Variants in BCR observed in about 807,000 individuals in gnomAD.
BCR encodes BCR activator of RhoGEF and GTPase.
A neutral mutation model predicts 138.6 loss-of-function variants in BCR; 58 were observed. The ratio of observed to expected loss-of-function variants is 0.42; its 90% CI spans 0.34 to 0.52. The LOEUF is 0.52. Ranked by LOEUF, BCR falls within the 20% of genes least tolerant of loss-of-function variation. The pLI, the probability that BCR is intolerant of heterozygous loss-of-function variation, is 0.06. For synonymous variants in BCR, 786 were observed against 730.1 expected (o/e 1.08, Z -1.23); for missense variants, 1,599 against 1,727.2 (o/e 0.93, Z 1.32).
At chr22:23,299,649 C>G (rs1396250492) in intron 16 of BCR, among the ~76,000 whole-genome samples, 1 of 150,482 alleles carries the variant, frequency 6.6e-6, no homozygotes, top group African/African-American at 2.5e-5. Context: ...AAACATACAT[C>G]TGTATCTGTA....
At chr22:23,297,028 GGTT>G (rs111942865) in intron 16 of BCR, among the ~76,000 whole-genome samples, 16 of 152,032 alleles carry the variant, frequency 1.1e-4, no homozygotes, top group South Asian at 6.2e-4. Context: ...TGCTTGCTTT[GGTT>G]GTTGTTGTTG....
intron 1 of BCR, among the ~76,000 whole-genome samples, chr22:23,209,702 C>G (rs1037076909): frequency 2.6e-5 from 4 of 152,120 alleles, no homozygotes; most frequent in African/African-American, 9.7e-5. Flanking sequence ...CGCCACCACA[C>G]CTGGCTAATT....
chr22:23,275,477 G>T (rs2073565579), intron 8 of BCR, among the ~76,000 whole-genome samples: 1 of 152,218 alleles, frequency 6.6e-6, no homozygotes, highest in African/African-American at 2.4e-5. Flanking sequence ...TGAGCGCATT[G>T]AAGGCGGAAG....
chr22:23,245,681 G>A (rs564400364), intron 1 of BCR, among the ~76,000 whole-genome samples: 1 of 152,182 alleles, frequency 6.6e-6, no homozygotes, highest in African/African-American at 2.4e-5. Context: ...CTCACTGCAT[G>A]TGGGTGGCCT....
At chr22:23,265,581 C>G (rs1389428536) in intron 4 of BCR, among the ~76,000 whole-genome samples, 1 of 152,234 alleles carries the variant, frequency 6.6e-6, no homozygotes, top group African/African-American at 2.4e-5. Flanking sequence ...GGGCTGACTT[C>G]CCTGCTCTGG....
chr22:23,294,697 C>G (rs1197197008), intron 15 of BCR, among the ~76,000 whole-genome samples: 1 of 152,226 alleles, frequency 6.6e-6, no homozygotes, highest in African/African-American at 2.4e-5. Context: ...CCGTGCCCAG[C>G]CCATAGAAAT....
At chr22:23,209,592 G>A (rs1008184508) in intron 1 of BCR, among the ~76,000 whole-genome samples, 6 of 150,936 alleles carry the variant, frequency 4.0e-5, no homozygotes, top group Non-Finnish European at 7.4e-5. Flanking sequence ...TGCCCAGGCT[G>A]GAGTGCAGTG....
At chr22:23,225,191 CTTT>C (rs34267356) in intron 1 of BCR, among the ~76,000 whole-genome samples, 1 of 142,828 alleles carries the variant, frequency 7.0e-6, no homozygotes. Context: ...GTCTGTGGTG[CTTT>C]TTTTTTTTTT....
At chr22:23,210,254 A>G (rs1385866847) in intron 1 of BCR, among the ~76,000 whole-genome samples, 5 of 151,918 alleles carry the variant, frequency 3.3e-5, no homozygotes, top group African/African-American at 1.2e-4. Flanking sequence ...CATCTCTACA[A>G]AAAAATTTGA....
intron 1 of BCR, among the ~76,000 whole-genome samples, chr22:23,253,252 T>G (rs115959526): frequency 0.012 from 1,764 of 152,292 alleles, 30 homozygotes; most frequent in African/African-American, 0.041. Context: ...CCTGGCCTTT[T>G]GGACAGCCCT....
In BCR at chr22:23,180,812, A is replaced by T. The variant is rs1175373612; in HGVS notation, c.-149A>T. On this transcript the variant is annotated 5_prime_UTR_variant, in exon 1 of 23. Transcript: ENST00000305877. ...GCCCCGCTCCGCCTCACCTGCCACC[A>T]GGGAGTGGGCGGGCATTGTTCGCCG... The T allele has an allele frequency of 1.1e-5, 3 of 272,094 alleles. No homozygotes were observed. Among genetic ancestry groups the T allele is most frequent in the Non-Finnish European group, 1.6e-5 (3 of 183,024 alleles). The allele number at this position is 272,094 out of a possible 1,614,324, so 16.9% of individuals were successfully genotyped here.
In BCR at chr22:23,273,915, C is replaced by T. The variant is rs538658635; in HGVS notation, c.2115+141C>T. ...GGATTGGTGAGATTGGCCGCACACT[C>T]AGTCCTGTGTGGAAGGTGTCTGGGT... On this transcript the variant is annotated intron_variant, in intron 8 of 22. Coordinates refer to ENST00000305877, the MANE Select transcript of BCR (RefSeq NM_004327.4). 9 of 1,236,458 alleles carry T rather than the reference C, an allele frequency of 7.3e-6. No homozygotes were observed. The Admixed American group carries it at 1.5e-4, about 20-fold the overall frequency. 76.6% of individuals were successfully genotyped at this position (1,236,458 alleles called of 1,614,324 possible).
chr22:23,263,187 G>GC, intron 4 of BCR: 1 of 873,620 alleles, frequency 1.1e-6, no homozygotes, highest in Non-Finnish European at 1.7e-6. Flanking sequence ...GGAGTCAGCC[G>GC]CCTGCCCGGC....
intron 1 of BCR, among the ~76,000 whole-genome samples, chr22:23,216,713 G>A (rs2072757379): frequency 6.6e-6 from 1 of 152,250 alleles, no homozygotes; most frequent in East Asian, 1.9e-4. Flanking sequence ...ACTGTATTCA[G>A]TTTGTGGTTT....
In BCR at chr22:23,288,131, G is replaced by A. The variant is rs372445084; in HGVS notation, c.2561G>A (p.Arg854His). ...YTFLISSDYERAEWRENIREQ... is the reference protein window; with the variant it reads ...YTFLISSDYEHAEWRENIREQ... ...TTCCTGATCTCCTCTGACTATGAGC[G>A]TGCAGAGTGGAGGGAGAACATCCGG... The change falls in exon 12 of 23, where the codon CGT becomes CAT. Residue 854 changes from arginine (R) to histidine (H), a missense_variant. By Grantham distance (29) the Arg-to-His change is conservative (BLOSUM62 0). Coordinates refer to ENST00000305877, the MANE Select transcript of BCR (RefSeq NM_004327.4). 1.9e-6 allele frequency: 3 copies of A among 1,614,070 alleles called. No individual in the cohort carries two copies. The highest frequency in any genetic ancestry group is 1.3e-5 in the African/African-American group (1 of 75,026).
At chr22:23,219,067 CAATG>C (rs1281996457) in intron 1 of BCR, among the ~76,000 whole-genome samples, 30 of 152,258 alleles carry the variant, frequency 2.0e-4, no homozygotes, top group African/African-American at 5.3e-4. Flanking sequence ...ATGGCTGTGA[CAATG>C]GATGGATGGA....
intron 1 of BCR, among the ~76,000 whole-genome samples, chr22:23,190,030 C>A (rs960231610): frequency 6.6e-6 from 1 of 152,186 alleles, no homozygotes; most frequent in African/African-American, 2.4e-5. Flanking sequence ...TGCCAAAAGT[C>A]CAAGATCAAG....
At chr22:23,288,265 A>T in intron 12 of BCR, 93 bp downstream of exon 12, 3 of 1,314,620 alleles carry the variant, frequency 2.3e-6, no homozygotes, top group Non-Finnish European at 3.3e-6. Flanking sequence ...TTTTATTTCG[A>T]GGGGTTTTAT....
At chr22:23,253,775 C>T (rs1270695513) in intron 1 of BCR, 24 bp from the exon 2 acceptor site, 2 of 1,595,708 alleles carry the variant, frequency 1.3e-6, no homozygotes, top group South Asian at 2.2e-5. Context: ...GTCTCTAACA[C>T]AGGATGCTTC....
Sources: gnomAD v4.1 joint callset for allele counts (sites outside exome capture counted in the v4.1 genomes callset) on GRCh38, gnomAD v4.1.1 for gene constraint, MANE v1.5 for transcripts, NCBI Gene and HGNC (gene_info 2026-07-23, HGNC 2026-07-21) for gene names.